CSGALNACT1: variants seen among roughly 807,000 people sequenced by gnomAD.
The protein encoded by CSGALNACT1 is chondroitin sulfate N-acetylgalactosaminyltransferase 1.
CSGALNACT1 carries 52 observed loss-of-function variants against 51.0 expected under a neutral mutation model. The ratio of observed to expected loss-of-function variants is 1.02; its 90% CI spans 0.82 to 1.29. The LOEUF is 1.29. CSGALNACT1 is among the 50% of genes most tolerant of loss of function. The probability of loss-of-function intolerance (pLI) is 0.00; values close to 1 mark genes in which losing one functional copy is unlikely to be tolerated. For synonymous variants in CSGALNACT1, 341 were observed against 254.4 expected (o/e 1.34, Z -3.24); for missense variants, 935 against 679.2 (o/e 1.38, Z -4.19).
chr8:19,693,233 G>A (rs778679091), intron 1 of CSGALNACT1, among the ~76,000 whole-genome samples: 6 of 151,994 alleles, frequency 3.9e-5, no homozygotes, highest in Admixed American at 2.6e-4. Flanking sequence ...CTCTGCTTGT[G>A]GTGATATCTC....
chr8:19,455,342 T>A (rs1290140493), intron 5 of CSGALNACT1, among the ~76,000 whole-genome samples: 1 of 152,220 alleles, frequency 6.6e-6, no homozygotes, highest in Non-Finnish European at 1.5e-5. Flanking sequence ...GCTTCCAGTG[T>A]CATCCTCAGT....
intron 1 of CSGALNACT1, among the ~76,000 whole-genome samples, chr8:19,738,759 G>A (rs1179948584): frequency 6.6e-6 from 1 of 152,164 alleles, no homozygotes; most frequent in South Asian, 2.1e-4. Context: ...AAGACACTGT[G>A]CAGCGATAGG....
intron 3 of CSGALNACT1, among the ~76,000 whole-genome samples, chr8:19,543,341 G>C (rs555693852): frequency 3.3e-5 from 5 of 152,198 alleles, no homozygotes; most frequent in Non-Finnish European, 7.3e-5. Flanking sequence ...CACGCCTGAG[G>C]CTTTCCTTAG....
At chr8:19,719,242 C>T (rs2062982433) in intron 1 of CSGALNACT1, among the ~76,000 whole-genome samples, 2 of 152,160 alleles carry the variant, frequency 1.3e-5, no homozygotes, top group East Asian at 3.9e-4. Flanking sequence ...TTTTATCTTG[C>T]CACATTGCAT....
intron 1 of CSGALNACT1, among the ~76,000 whole-genome samples, chr8:19,636,098 C>A (rs986172988): frequency 6.6e-6 from 1 of 152,260 alleles, no homozygotes; most frequent in African/African-American, 2.4e-5. Flanking sequence ...GCCGTAGTCC[C>A]GCTTATCAGC....
intron 2 of CSGALNACT1, among the ~76,000 whole-genome samples, chr8:19,594,482 G>C (rs1391318128): frequency 1.3e-5 from 2 of 152,114 alleles, no homozygotes; most frequent in Non-Finnish European, 2.9e-5. Flanking sequence ...AGAAAAGTTA[G>C]GTGACCATTT....
At chr8:19,588,655 T>C (rs1041775023) in intron 3 of CSGALNACT1, among the ~76,000 whole-genome samples, 2 of 152,214 alleles carry the variant, frequency 1.3e-5, no homozygotes, top group African/African-American at 4.8e-5. Flanking sequence ...GAAGCTTTCA[T>C]TCTAGATCTA....
intron 1 of CSGALNACT1, among the ~76,000 whole-genome samples, chr8:19,754,872 T>A (rs1461193701): frequency 6.6e-6 from 1 of 152,210 alleles, no homozygotes; most frequent in African/African-American, 2.4e-5. Context: ...TAAGACTGCT[T>A]CATCATGAAT....
intron 1 of CSGALNACT1, among the ~76,000 whole-genome samples, chr8:19,639,298 T>C (rs1324439669): frequency 6.6e-6 from 1 of 152,200 alleles, no homozygotes; most frequent in African/African-American, 2.4e-5. Flanking sequence ...ATTTAAACAA[T>C]GAGAGACAAA....
intron 1 of CSGALNACT1, among the ~76,000 whole-genome samples, chr8:19,628,343 C>A (rs1259263096): frequency 6.6e-6 from 1 of 152,196 alleles, no homozygotes; most frequent in African/African-American, 2.4e-5. Context: ...GAAACTGCCA[C>A]TTTTAAGACC....
At chr8:19,665,765 A>T (rs1449127855) in intron 1 of CSGALNACT1, among the ~76,000 whole-genome samples, 1 of 152,176 alleles carries the variant, frequency 6.6e-6, no homozygotes, top group Non-Finnish European at 1.5e-5. Context: ...CTTAATTCAT[A>T]ATAGAAGGGT....
intron 3 of CSGALNACT1, among the ~76,000 whole-genome samples, chr8:19,529,752 C>T (rs1483969152): frequency 6.6e-6 from 1 of 152,158 alleles, no homozygotes; most frequent in African/African-American, 2.4e-5. Context: ...CATGTATGCA[C>T]AGCTCCCTTA....
chr8:19,575,630 G>A (rs1464527231), intron 3 of CSGALNACT1, among the ~76,000 whole-genome samples: 1 of 152,202 alleles, frequency 6.6e-6, no homozygotes, highest in South Asian at 2.1e-4. Context: ...TATTCACTGG[G>A]TATTCTAGGA....
chr8:19,474,011 G>A (rs1225387538), intron 4 of CSGALNACT1, among the ~76,000 whole-genome samples: 1 of 152,176 alleles, frequency 6.6e-6, no homozygotes, highest in East Asian at 1.9e-4. Flanking sequence ...CTAGCTTTTG[G>A]AAACCATTCA....
Position 19,464,552 on chromosome 8 carries a change from C to T in CSGALNACT1, c.635-5910G>A, listed in dbSNP as rs542302325. On this transcript the variant is annotated intron_variant, in intron 4 of 9. Transcript: ENST00000454498. ...ACTGATTCCAGGGGTCCCCAAGCCA[C>T]GGAATGGTACCAGTCCGTGGCCTGT... Among the ~76,000 whole-genome samples the T allele has an allele frequency of 3.9e-5, 6 of 152,176 alleles. No homozygotes were observed. In the South Asian group the frequency reaches 8.3e-4, roughly 21 times the overall value.
chr8:19,705,690 T>A (rs1193569801), intron 1 of CSGALNACT1, among the ~76,000 whole-genome samples: 1 of 151,954 alleles, frequency 6.6e-6, no homozygotes, highest in African/African-American at 2.4e-5. Flanking sequence ...TGAGCTGAGA[T>A]CGCACTACTT....
chr8:19,463,577 C>A (rs146402119), intron 4 of CSGALNACT1, among the ~76,000 whole-genome samples: 1 of 152,326 alleles, frequency 6.6e-6, no homozygotes, highest in African/African-American at 2.4e-5. Context: ...TAAGCTGACA[C>A]ATGCAAATGG....
chr8:19,451,097 T>A (rs2063111823), intron 5 of CSGALNACT1, among the ~76,000 whole-genome samples: 1 of 152,158 alleles, frequency 6.6e-6, no homozygotes, highest in Non-Finnish European at 1.5e-5. Context: ...TTCTTGTAAA[T>A]CTGAGGAATA....
intron 3 of CSGALNACT1, among the ~76,000 whole-genome samples, chr8:19,579,327 A>C (rs1272013267): frequency 6.6e-6 from 1 of 152,158 alleles, no homozygotes; most frequent in African/African-American, 2.4e-5. Context: ...AAATGAACCA[A>C]CTTCTTGGCT....
Sources: gnomAD v4.1 joint callset for allele counts (sites outside exome capture counted in the v4.1 genomes callset) on GRCh38, gnomAD v4.1.1 for gene constraint, MANE v1.5 for transcripts, NCBI Gene and HGNC (gene_info 2026-07-23, HGNC 2026-07-21) for gene names.